Variants in TBC1D31 observed in about 807,000 individuals in gnomAD.
The protein encoded by TBC1D31 is WD repeat domain 67.
TBC1D31 carries 99 observed loss-of-function variants against 132.9 expected under a neutral mutation model. That is an observed-to-expected ratio of 0.74 (90% CI 0.63 to 0.88). The LOEUF (loss-of-function observed/expected upper bound fraction) is 0.88. Ranked by LOEUF, TBC1D31 falls within the 40% of genes least tolerant of loss-of-function variation. The probability of loss-of-function intolerance (pLI) is 0.00; values close to 1 mark genes in which losing one functional copy is unlikely to be tolerated. For synonymous variants in TBC1D31, 385 were observed against 419.4 expected (o/e 0.92, Z 1.00); for missense variants, 1,134 against 1,256.6 (o/e 0.90, Z 1.48).
At position 123,105,223 on chromosome 8, in the gene TBC1D31, AC is replaced by A. The variant is rs894147069; in HGVS notation, c.1033-64del. The A allele has an allele frequency of 1.7e-4, 212 of 1,217,912 alleles. No homozygotes were observed. The Middle Eastern group carries it at 2.5e-3, about 14-fold the overall frequency. The allele number at this position is 1,217,912 out of a possible 1,614,324, so 75.4% of individuals were successfully genotyped here. A position where few individuals can be genotyped will look rare whatever the true frequency, so the allele number is the denominator to read the frequency against. On this transcript the variant is annotated intron_variant, in intron 7 of 21. Transcript: ENST00000287380. Reference sequence around the variant, plus strand: ...TATTAAAGCAAATTTTGAAAATCATACATTAACAGGCCTGTCTTCCAAGGAT... The same window carrying A: ...TATTAAAGCAAATTTTGAAAATCATAATTAACAGGCCTGTCTTCCAAGGAT...
intron 13 of TBC1D31, among the ~76,000 whole-genome samples, chr8:123,127,225 A>G (rs1357402485): frequency 6.6e-6 from 1 of 151,402 alleles, no homozygotes; most frequent in African/African-American, 2.4e-5. Flanking sequence ...AGCTTAAGAA[A>G]AGAATCATGA....
intron 17 of TBC1D31, among the ~76,000 whole-genome samples, chr8:123,136,623 G>A (rs1452188693): frequency 6.6e-6 from 1 of 152,064 alleles, no homozygotes; most frequent in Non-Finnish European, 1.5e-5. Flanking sequence ...GCTAATTTTT[G>A]TATTTTTAAT....
At chr8:123,132,417 T>TC (rs1820717320) in intron 16 of TBC1D31, among the ~76,000 whole-genome samples, 1 of 137,142 alleles carries the variant, frequency 7.3e-6, no homozygotes, top group Admixed American at 7.3e-5. Context: ...TTTTTTTTTT[T>TC]TTTTTTTTTT....
At chr8:123,164,775 A>G in the TBC1D31 span, among the ~76,000 whole-genome samples, 1 of 152,188 alleles carries the variant, frequency 6.6e-6, no homozygotes, top group Non-Finnish European at 1.5e-5. Flanking sequence ...ACACAAGTCA[A>G]GTCCCCTCAA....
intron 10 of TBC1D31, among the ~76,000 whole-genome samples, chr8:123,117,647 G>A (rs997874980): frequency 9.3e-5 from 14 of 151,138 alleles, no homozygotes; most frequent in Admixed American, 8.6e-4. Context: ...CAGCTACTCG[G>A]GAGGCTGAGG....
Position 123,082,692 on chromosome 8 carries a change from C to G in TBC1D31, c.225-10C>G, listed in dbSNP as rs1447416730. On this transcript the variant is annotated splice_polypyrimidine_tract_variant and intron_variant, in intron 2 of 21. Coordinates refer to ENST00000287380, the MANE Select transcript of TBC1D31 (RefSeq NM_145647.4). ...GAATTTGTGATACTAATGCAATGAT[C>G]TCTTAATAGGTTCAATCTTGTTCAG... 2 of 1,577,814 alleles carry G rather than the reference C, an allele frequency of 1.3e-6. No homozygotes were observed. Among genetic ancestry groups the G allele is most frequent in the Non-Finnish European group, 1.7e-6 (2 of 1,155,340 alleles).
chr8:123,098,250 T>C (rs568220343), intron 6 of TBC1D31, among the ~76,000 whole-genome samples: 1 of 152,154 alleles, frequency 6.6e-6, no homozygotes, highest in Non-Finnish European at 1.5e-5. Flanking sequence ...TTATATATAG[T>C]GTTATGTTTT....
chr8:123,162,017 CAAAAA>C, the TBC1D31 span, among the ~76,000 whole-genome samples: 2 of 76,118 alleles, frequency 2.6e-5, no homozygotes, highest in African/African-American at 5.2e-5. Context: ...GAGTCCGACT[CAAAAA>C]AAAAAAAAAA....
At chr8:123,158,837 G>A in the TBC1D31 span, among the ~76,000 whole-genome samples, 3 of 152,118 alleles carry the variant, frequency 2.0e-5, no homozygotes, top group Admixed American at 2.0e-4. Flanking sequence ...GGGTGGCCGA[G>A]GGGCGAGGAA....
rs6994495 is a variant in TBC1D31 at position 123,087,222 on chromosome 8, T to G, written c.519+2882T>G. On this transcript the variant is annotated intron_variant, in intron 4 of 21. Coordinates refer to ENST00000287380, the MANE Select transcript of TBC1D31 (RefSeq NM_145647.4). Reference sequence around the variant, plus strand: ...GTCCAAGGAAGGCCGTCTCCTTAACTCCCACTGTCTTTTGGTTTTCAGGTT... The same window carrying G: ...GTCCAAGGAAGGCCGTCTCCTTAACGCCCACTGTCTTTTGGTTTTCAGGTT... 3.7e-3 allele frequency among the ~76,000 whole-genome samples: 571 copies of G among 152,348 alleles called. 2 individuals carry two copies. Among genetic ancestry groups the G allele is most frequent in the African/African-American group, 0.013 (553 of 41,588 alleles).
Position 123,126,614 on chromosome 8 carries a change from T to C in TBC1D31, c.1811T>C (p.Leu604Pro), listed in dbSNP as rs372012446. The C allele has an allele frequency of 1.9e-6, 3 of 1,613,950 alleles. No individual in the cohort carries two copies. The highest frequency in any genetic ancestry group is 1.1e-5 in the South Asian group (1 of 91,072). The change falls in exon 13 of 22, where the codon CTG becomes CCG. Residue 604 changes from leucine (L) to proline (P), a missense_variant. Physicochemically the swap from Leu to Pro is moderately conservative, Grantham distance 98. Coordinates refer to ENST00000287380, the MANE Select transcript of TBC1D31 (RefSeq NM_145647.4). ...NIFSNHPSFL[L>P]MTVVAYNICS... ...TTTTCCAACCATCCTTCCTTCCTTC[T>C]GATGACTGTTGTAGCCTACAACATA...
At chr8:123,130,149 A>C (rs1301814630) in intron 15 of TBC1D31, 49 bp from the exon 16 acceptor site, 1 of 1,560,730 alleles carries the variant, frequency 6.4e-7, no homozygotes, top group Admixed American at 1.9e-5. Flanking sequence ...AAACTAAATC[A>C]TATTAGGAAT....
At chr8:123,163,312 AT>A in the TBC1D31 span, among the ~76,000 whole-genome samples, 1 of 138,162 alleles carries the variant, frequency 7.2e-6, no homozygotes, top group African/African-American at 2.7e-5. Flanking sequence ...TGGTTATCCT[AT>A]TTTTTTTAAA....
At chr8:123,161,684 T>C in the TBC1D31 span, among the ~76,000 whole-genome samples, 1 of 152,130 alleles carries the variant, frequency 6.6e-6, no homozygotes, top group Non-Finnish European at 1.5e-5. Context: ...TAAATGGTGA[T>C]TTTTTTAAAA....
chr8:123,135,929 A>T (rs1365607993), intron 17 of TBC1D31, among the ~76,000 whole-genome samples: 2 of 152,256 alleles, frequency 1.3e-5, no homozygotes, highest in Non-Finnish European at 2.9e-5. Context: ...AAAAATTTCC[A>T]GATATTTGTC....
chr8:123,111,999 C>T (rs900578186), intron 10 of TBC1D31, among the ~76,000 whole-genome samples: 10 of 152,094 alleles, frequency 6.6e-5, no homozygotes. Flanking sequence ...TACAGGTATG[C>T]ACCGCCATGC....
At chr8:123,150,185 G>GC in intron 21 of TBC1D31, 57 bp downstream of exon 21, 2 of 1,342,998 alleles carry the variant, frequency 1.5e-6, no homozygotes, top group Non-Finnish European at 2.1e-6. Flanking sequence ...CAATATTTAA[G>GC]CAAAATTGTG....
At chr8:123,162,322 A>G in the TBC1D31 span, among the ~76,000 whole-genome samples, 4 of 151,770 alleles carry the variant, frequency 2.6e-5, no homozygotes, top group South Asian at 2.1e-4. Context: ...GTGTGTGTGT[A>G]TGTGTGTGTG....
chr8:123,094,036 A>G (rs1478796464), intron 5 of TBC1D31, among the ~76,000 whole-genome samples: 4 of 151,788 alleles, frequency 2.6e-5, no homozygotes, highest in African/African-American at 9.7e-5. Context: ...TCCATAAGCT[A>G]CAATAATCAT....
Sources: gnomAD v4.1 joint callset for allele counts (sites outside exome capture counted in the v4.1 genomes callset) on GRCh38, gnomAD v4.1.1 for gene constraint, MANE v1.5 for transcripts, NCBI Gene and HGNC (gene_info 2026-07-23, HGNC 2026-07-21) for gene names.